ARHGEF10L: variants seen among roughly 807,000 people sequenced by gnomAD.
ARHGEF10L encodes Rho guanine nucleotide exchange factor 10 like.
A neutral mutation model predicts 141.2 loss-of-function variants in ARHGEF10L; 69 were observed. The ratio of observed to expected loss-of-function variants is 0.49; its 90% confidence interval spans 0.40 to 0.60. The LOEUF (loss-of-function observed/expected upper bound fraction) is 0.60. Ranked by LOEUF, ARHGEF10L falls within the 20% of genes least tolerant of loss-of-function variation. ARHGEF10L has a pLI of 0.00. For synonymous variants in ARHGEF10L, 711 were observed against 718.5 expected (o/e 0.99, Z 0.17); for missense variants, 1,482 against 1,734.3 (o/e 0.85, Z 2.58).
At chr1:17,662,903 C>G (rs997535297) in intron 25 of ARHGEF10L, among the ~76,000 whole-genome samples, 8 of 152,112 alleles carry the variant, frequency 5.3e-5, no homozygotes, top group African/African-American at 1.9e-4. Context: ...GGTGGGGTAG[C>G]AGGGCTCTGA....
chr1:17,662,272 G>A (rs1002404363), intron 25 of ARHGEF10L, among the ~76,000 whole-genome samples: 5 of 152,330 alleles, frequency 3.3e-5, no homozygotes, highest in African/African-American at 9.6e-5. Context: ...AGAACGCTGC[G>A]TAACAACCGC....
intron 1 of ARHGEF10L, among the ~76,000 whole-genome samples, chr1:17,557,005 T>G (rs1303740972): frequency 6.7e-6 from 1 of 148,816 alleles, no homozygotes; most frequent in African/African-American, 2.5e-5. Flanking sequence ...GCCCTCCAGT[T>G]CGGACAACAT....
At chr1:17,514,950 C>T in the ARHGEF10L span, among the ~76,000 whole-genome samples, 1 of 152,206 alleles carries the variant, frequency 6.6e-6, no homozygotes, top group Non-Finnish European at 1.5e-5. Flanking sequence ...GTCCTTCCGG[C>T]CCCTTGAGGG....
In ARHGEF10L at chr1:17,669,029, G is replaced by A. The variant is rs76142712; in HGVS notation, c.3009+4434G>A. 1.9e-3 allele frequency among the ~76,000 whole-genome samples: 290 copies of A among 152,326 alleles called. 1 individual carries two copies. Among genetic ancestry groups the A allele is most frequent in the African/African-American group, 6.7e-3 (278 of 41,564 alleles). On this transcript the variant is annotated intron_variant, in intron 26 of 28. Coordinates refer to ENST00000361221, the MANE Select transcript of ARHGEF10L (RefSeq NM_018125.4). ...CTGCTCTCTCACTGGCTGTGGTCTC[G>A]TATGTGTGCCTAGGGCTCAGCATCT...
chr1:17,513,805 CTTTCTTT>C, the ARHGEF10L span, among the ~76,000 whole-genome samples: 1 of 151,736 alleles, frequency 6.6e-6, no homozygotes, highest in African/African-American at 2.4e-5. Flanking sequence ...CTTTTTTTCT[CTTTCTTT>C]TTTCTTTTTT....
At chr1:17,515,409 T>A in the ARHGEF10L span, among the ~76,000 whole-genome samples, 7 of 151,624 alleles carry the variant, frequency 4.6e-5, no homozygotes. Context: ...TTCTCCTGCC[T>A]CAGCCTCTGG....
chr1:17,571,313 G>A (rs898173599), intron 1 of ARHGEF10L, among the ~76,000 whole-genome samples: 1 of 152,138 alleles, frequency 6.6e-6, no homozygotes, highest in African/African-American at 2.4e-5. Context: ...CATCAGAACC[G>A]GTGTAGTGGA....
intron 26 of ARHGEF10L, among the ~76,000 whole-genome samples, chr1:17,667,606 A>G (rs558372014): frequency 6.6e-6 from 1 of 152,310 alleles, no homozygotes; most frequent in South Asian, 2.1e-4. Context: ...AGGCAGGGTA[A>G]ACTGAGAGGG....
intron 1 of ARHGEF10L, among the ~76,000 whole-genome samples, chr1:17,546,475 T>G (rs1194120518): frequency 2.6e-5 from 4 of 152,212 alleles, no homozygotes; most frequent in Admixed American, 6.5e-5. Context: ...CGTCCTATTT[T>G]CCGATCTTAT....
intron 2 of ARHGEF10L, among the ~76,000 whole-genome samples, chr1:17,581,309 CAAAAAAAAAAAAA>C (rs71014975): frequency 3.9e-4 from 27 of 69,290 alleles, no homozygotes; most frequent in Middle Eastern, 0.024. Context: ...AAGACTGTCT[CAAAAAAAAAAAAA>C]AAAAAAAAAA....
intron 5 of ARHGEF10L, 107 bp downstream of exon 5, chr1:17,602,325 C>A: frequency 3.8e-6 from 5 of 1,310,452 alleles, no homozygotes; most frequent in South Asian, 1.3e-5. Flanking sequence ...GCCCAGGGTT[C>A]ATCCTCACCG....
At chr1:17,594,331 A>G (rs1450382836) in intron 4 of ARHGEF10L, among the ~76,000 whole-genome samples, 3 of 152,068 alleles carry the variant, frequency 2.0e-5, no homozygotes, top group Non-Finnish European at 4.4e-5. Flanking sequence ...GCAGAGCCAG[A>G]GTTAACCCCA....
intron 4 of ARHGEF10L, among the ~76,000 whole-genome samples, chr1:17,589,855 C>T (rs2079382626): frequency 6.6e-6 from 1 of 152,048 alleles, no homozygotes; most frequent in Non-Finnish European, 1.5e-5. Context: ...GAGACGGACG[C>T]CCAGGGAGCT....
Position 17,621,810 on chromosome 1 carries a change from G to GGGCCACAGCAGGTACT in ARHGEF10L, c.943-50_943-49insACAGCAGGTACTGGCC, listed in dbSNP as rs139721173. On this transcript the variant is annotated intron_variant, in intron 10 of 28. Transcript: ENST00000361221. The surrounding 1 kb of genome is among the most constrained non-coding windows in gnomAD (Gnocchi z 4.1). ...TTGTCAGCTCCCCTTCCTGTCACTTGGGCCCTGTGCAGCAGGTGTCATGTG... is the reference window on the plus strand; with the variant it reads ...TTGTCAGCTCCCCTTCCTGTCACTTGGGCCACAGCAGGTACTGGCCCTGTGCAGCAGGTGTCATGTG... The GGGCCACAGCAGGTACT allele has an allele frequency of 0.14, 215,827 of 1,492,366 alleles. 17,720 individuals carry two copies. The highest frequency in any genetic ancestry group is 0.33 in the African/African-American group (23,687 of 71,802). The allele number at this position is 1,492,366 out of a possible 1,614,324, so 92.4% of individuals were successfully genotyped here.
chr1:17,551,927 T>C (rs573422807), intron 1 of ARHGEF10L, among the ~76,000 whole-genome samples: 34 of 152,216 alleles, frequency 2.2e-4, no homozygotes, highest in Non-Finnish European at 4.6e-4. Context: ...CCGTCCACAG[T>C]CCCCGTGTGG....
intron 27 of ARHGEF10L, chr1:17,691,016 T>G (rs1459013581): frequency 5.4e-6 from 2 of 368,108 alleles, no homozygotes; most frequent in Non-Finnish European, 1.1e-5. Flanking sequence ...TAGTGTGTGT[T>G]AACAATTTAT....
chr1:17,612,949 G>T (rs1042741222), intron 7 of ARHGEF10L, 109 bp from the exon 8 acceptor site: 24 of 747,170 alleles, frequency 3.2e-5, no homozygotes, highest in South Asian at 3.2e-5. Flanking sequence ...CTGTCCGTCC[G>T]CACTTTACCT....
rs2101188702 is a variant in ARHGEF10L at position 17,615,497 on chromosome 1, C to T, written c.727-597C>T. On this transcript the variant is annotated intron_variant, in intron 8 of 28. Coordinates refer to ENST00000361221, the MANE Select transcript of ARHGEF10L (RefSeq NM_018125.4). This position sits in a 1 kb window ranked among gnomAD's most constrained non-coding sequence, Gnocchi z 4.7. Reference sequence around the variant, plus strand: ...TCCCGGATGGTGGCTCAGTAAGAAACCTGGCTGTTTCGGGGGAGGCAAGGG... The same window carrying T: ...TCCCGGATGGTGGCTCAGTAAGAAATCTGGCTGTTTCGGGGGAGGCAAGGG... The T allele has an allele frequency of 6.6e-6, 1 of 152,350 alleles. No homozygotes were observed. Among genetic ancestry groups the T allele is most frequent in the Non-Finnish European group, 1.5e-5 (1 of 68,066 alleles). 9.4% of individuals were successfully genotyped at this position (152,350 alleles called of 1,614,324 possible). A position where few individuals can be genotyped will look rare whatever the true frequency, so the allele number is the denominator to read the frequency against.
Position 17,625,983 on chromosome 1 carries a change from G to A in ARHGEF10L, c.1345G>A (p.Val449Ile), listed in dbSNP as rs188518276. The change falls in exon 14 of 29, where the codon GTC becomes ATC. Residue 449 changes from valine (V) to isoleucine (I), a missense_variant. Physicochemically the swap from Val to Ile is conservative, Grantham distance 29 (BLOSUM62 3). Coordinates refer to ENST00000361221, the MANE Select transcript of ARHGEF10L (RefSeq NM_018125.4). This position sits in a 1 kb window ranked among gnomAD's most constrained non-coding sequence, Gnocchi z 4.5. ...ACGGCAGGTGTGCAGCCCAGACCGT[G>A]TCACCCTCTACGGGCTGATGGTCAA... Reference protein sequence around the residue: ...KRRQVCSPDRVTLYGLMVKPI... With the variant: ...KRRQVCSPDRITLYGLMVKPI... 2.7e-5 allele frequency: 43 copies of A among 1,613,938 alleles called. 1 individual carries two copies. In the Admixed American group the frequency reaches 7.2e-4, roughly 27 times the overall value.
Sources: gnomAD v4.1 joint callset for allele counts (sites outside exome capture counted in the v4.1 genomes callset) on GRCh38, gnomAD v4.1.1 for gene constraint, Gnocchi (gnomAD v3.1) non-coding constraint, MANE v1.5 for transcripts, NCBI Gene and HGNC (gene_info 2026-07-23, HGNC 2026-07-21) for gene names.